RASSF5: variants seen among roughly 807,000 people sequenced by gnomAD.
The protein encoded by RASSF5 is ras association domain-containing protein 5.
In RASSF5, 25 loss-of-function variants were observed where a neutral mutation model predicts 40.5. That is an observed-to-expected ratio of 0.62 (90% CI 0.45 to 0.86). RASSF5 has a LOEUF of 0.86. Among genes scored for constraint, RASSF5 ranks in the 40% least tolerant of loss-of-function variants. The pLI is 0.00. For missense variants in RASSF5, 521 were observed against 572.8 expected (o/e 0.91, Z 0.92); for synonymous variants, 246 against 252.4 (o/e 0.97, Z 0.24).
At chr1:206,527,545 G>T (rs919488243) in intron 1 of RASSF5, among the ~76,000 whole-genome samples, 4 of 152,296 alleles carry the variant, frequency 2.6e-5, no homozygotes, top group African/African-American at 9.6e-5. Flanking sequence ...CCAATTCAGA[G>T]CAGGCAGACA....
intron 1 of RASSF5, among the ~76,000 whole-genome samples, chr1:206,516,328 C>T (rs570865014): frequency 9.2e-5 from 14 of 152,316 alleles, no homozygotes; most frequent in African/African-American, 2.9e-4. Context: ...TCTGCCAGTT[C>T]TTTCCTGTTG....
chr1:206,579,187 T>C lies in RASSF5; in HGVS notation c.580-4082T>C, dbSNP rs568362777. ...CAGTGCCCTGGACATGCCAAGTGCA[T>C]TGGGAACAGCTCAGCCATCTGCCAC... On this transcript the variant is annotated intron_variant, in intron 2 of 5. Coordinates refer to ENST00000579436, the MANE Select transcript of RASSF5 (RefSeq NM_182663.4). This position sits in a 1 kb window ranked among gnomAD's most constrained non-coding sequence, Gnocchi z 4.2. Among the ~76,000 whole-genome samples the C allele has an allele frequency of 1.5e-4, 23 of 152,304 alleles. No homozygotes were observed. Among genetic ancestry groups the C allele is most frequent in the Non-Finnish European group, 3.1e-4 (21 of 68,024 alleles).
chr1:206,524,637 A>AAATATATATTATATATTATGTAT (rs1558499028), intron 1 of RASSF5, among the ~76,000 whole-genome samples: 165 of 127,626 alleles, frequency 1.3e-3, no homozygotes, highest in African/African-American at 4.8e-3. Flanking sequence ...ATAATATATA[A>AAATATATATTATATATTATGTAT]AATATATATT....
chr1:206,537,860 T>C (rs1553398861), intron 1 of RASSF5, among the ~76,000 whole-genome samples: 2 of 152,250 alleles, frequency 1.3e-5, no homozygotes, highest in Non-Finnish European at 2.9e-5. Context: ...GCAGAAGTTC[T>C]GACCTTGAGA....
At chr1:206,533,914 G>A (rs1301301285) in intron 1 of RASSF5, among the ~76,000 whole-genome samples, 1 of 152,126 alleles carries the variant, frequency 6.6e-6, no homozygotes, top group Non-Finnish European at 1.5e-5. Flanking sequence ...AGAAGCACAG[G>A]GAGAACGCCA....
chr1:206,586,929 G>C lies in RASSF5; in HGVS notation c.1208G>C (p.Arg403Thr), dbSNP rs112969377. 2 of 1,614,192 alleles carry C rather than the reference G, an allele frequency of 1.2e-6. No homozygotes were observed. The highest frequency in any genetic ancestry group is 1.3e-5 in the African/African-American group (1 of 75,058). Residue 403 changes from arginine to threonine, a missense_variant, in exon 6 of 6, where the codon AGG (arginine) becomes ACG (threonine). By Grantham distance (71) the Arg-to-Thr change is moderately conservative. Around this residue, in one of 2 missense-constraint regions of RASSF5, gnomAD observed 284 missense variants for 360.8 expected, o/e 0.79. Coordinates refer to ENST00000579436, the MANE Select transcript of RASSF5 (RefSeq NM_182663.4). Reference protein sequence around the residue: ...QQVQKKYDKFRQKLEEALRES... With the variant: ...QQVQKKYDKFTQKLEEALRES... ...GTGCAAAAGAAGTATGACAAGTTTAGGCAGAAACTGGAGGAGGCCTTAAGA... is the reference window on the plus strand; with the variant it reads ...GTGCAAAAGAAGTATGACAAGTTTACGCAGAAACTGGAGGAGGCCTTAAGA...
intron 5 of RASSF5, chr1:206,585,890 A>C (rs1194720830): frequency 6.6e-6 from 1 of 152,390 alleles, no homozygotes; most frequent in African/African-American, 2.4e-5. Flanking sequence ...TTTAGGGATC[A>C]AGGCAGCTGG....
At chr1:206,566,912 AGAG>A (rs1263672947) in intron 2 of RASSF5, among the ~76,000 whole-genome samples, 3 of 152,162 alleles carry the variant, frequency 2.0e-5, no homozygotes, top group Non-Finnish European at 4.4e-5. Flanking sequence ...TGGGTTTGAC[AGAG>A]GAGGAGTGGG....
chr1:206,562,658 C>A (rs543332568), intron 2 of RASSF5, among the ~76,000 whole-genome samples: 1 of 152,128 alleles, frequency 6.6e-6, no homozygotes. Context: ...ATTGGCCGGG[C>A]GTGGTGGCTC....
intron 2 of RASSF5, among the ~76,000 whole-genome samples, chr1:206,547,320 C>A (rs1667722289): frequency 6.6e-6 from 1 of 151,954 alleles, no homozygotes; most frequent in Admixed American, 6.6e-5. Context: ...GCAAGCCACG[C>A]TTCATCTGTA....
At position 206,584,922 on chromosome 1, in the gene RASSF5, G is replaced by A. The variant is rs777652254; in HGVS notation, c.988+238G>A. On this transcript the variant is annotated intron_variant, in intron 4 of 5. Coordinates refer to ENST00000579436, the MANE Select transcript of RASSF5 (RefSeq NM_182663.4). This position sits in a 1 kb window ranked among gnomAD's most constrained non-coding sequence, Gnocchi z 4.9. ...CCTAGGCTCCCATTTCCTGATCTGTGCAATGGGAGGAATCTGCCCCACCAT... is the reference window on the plus strand; with the variant it reads ...CCTAGGCTCCCATTTCCTGATCTGTACAATGGGAGGAATCTGCCCCACCAT... 21 of 608,144 alleles carry A rather than the reference G, an allele frequency of 3.5e-5. No homozygotes were observed. The highest frequency in any genetic ancestry group is 3.2e-5 in the Non-Finnish European group (11 of 344,406). 37.7% of individuals were successfully genotyped at this position (608,144 alleles called of 1,614,324 possible). A position where few individuals can be genotyped will look rare whatever the true frequency, so the allele number is the denominator to read the frequency against.
At position 206,580,494 on chromosome 1, in the gene RASSF5, A is replaced by G. The variant is rs377357488; in HGVS notation, c.580-2775A>G. ...AATTAGAAGCTCCCAGCGGGAAGGT[A>G]TAGGGGTAGGGCCAGGGTCAGGCAC... On this transcript the variant is annotated intron_variant, in intron 2 of 5. Coordinates refer to ENST00000579436, the MANE Select transcript of RASSF5 (RefSeq NM_182663.4). Among the ~76,000 whole-genome samples, 199 of 152,272 alleles carry G rather than the reference A, an allele frequency of 1.3e-3. 1 individual carries two copies. The highest frequency in any genetic ancestry group is 4.5e-3 in the African/African-American group (188 of 41,568).
rs1247281546 is a variant in RASSF5 at position 206,544,927 on chromosome 1, CTTGTCCCT to C, written c.579+6635_579+6642del. The C allele has an allele frequency of 1.8e-4, 28 of 152,060 alleles. 2 individuals are homozygous for C. Among genetic ancestry groups the C allele is most frequent in the Admixed American group, 1.5e-3 (23 of 15,280 alleles). The allele number at this position is 152,060 out of a possible 1,614,324, so 9.4% of individuals were successfully genotyped here. On this transcript the variant is annotated intron_variant, in intron 2 of 5. Coordinates refer to ENST00000579436, the MANE Select transcript of RASSF5 (RefSeq NM_182663.4). ...AAAAAGCTCCTGCGGCCAGTCCTGC[CTTGTCCCT>C]CAGCCCAACAGCCACGTGTTGAACC... is the stretch of plus-strand genomic sequence containing the variant.
chr1:206,563,192 G>A (rs903084034), intron 2 of RASSF5, among the ~76,000 whole-genome samples: 20 of 152,188 alleles, frequency 1.3e-4, no homozygotes, highest in African/African-American at 4.8e-4. Context: ...CAGTCACGTG[G>A]CCACACCTAA....
intron 2 of RASSF5, among the ~76,000 whole-genome samples, chr1:206,553,417 G>A (rs1667900338): frequency 6.6e-6 from 1 of 152,142 alleles, no homozygotes; most frequent in Non-Finnish European, 1.5e-5. Flanking sequence ...GAAACATGGG[G>A]AACTCTTGGA....
intron 1 of RASSF5, among the ~76,000 whole-genome samples, chr1:206,519,554 C>T (rs1478591802): frequency 6.6e-6 from 1 of 152,174 alleles, no homozygotes; most frequent in Non-Finnish European, 1.5e-5. Context: ...GGTCTGGAAC[C>T]TGCTTCTCTT....
intron 1 of RASSF5, among the ~76,000 whole-genome samples, chr1:206,533,382 G>A (rs1667293552): frequency 6.6e-6 from 1 of 152,142 alleles, no homozygotes; most frequent in Admixed American, 6.5e-5. Context: ...GGGCCTAAGG[G>A]CTCTGTGCTC....
At chr1:206,544,143 G>A (rs546907810) in intron 2 of RASSF5, 4 of 152,334 alleles carry the variant, frequency 2.6e-5, no homozygotes, top group South Asian at 2.1e-4. Context: ...AATCCAGATT[G>A]TGTAGACGAA....
rs10603701 is a variant in RASSF5, at chr1:206,546,089, A to ATTTTTTTTTTT, written c.579+7823_579+7833dup. 8.3e-5 allele frequency among the ~76,000 whole-genome samples: 4 copies of ATTTTTTTTTTT among 48,248 alleles called. 1 individual carries two copies. The highest frequency in any genetic ancestry group is 2.4e-4 in the African/African-American group (3 of 12,328). 31.7% of individuals were successfully genotyped at this position (48,248 alleles called of 152,430 possible). ...TTTTTCTTTTCTTTCTTCTTTTTCTATTTTTTTTTTTTTTTTTTTTTTTTT... is the reference window on the plus strand; with the variant it reads ...TTTTTCTTTTCTTTCTTCTTTTTCTATTTTTTTTTTTTTTTTTTTTTTTTTTTTTTTTTTTT... On this transcript the variant is annotated intron_variant, in intron 2 of 5. Transcript: ENST00000579436.
Sources: allele counts gnomAD v4.1 joint callset (sites outside exome capture counted in the v4.1 genomes callset), GRCh38; gene constraint gnomAD v4.1.1; regional missense constraint gnomAD v4.1.1; non-coding constraint Gnocchi (gnomAD v3.1); transcripts MANE v1.5; gene names NCBI Gene and HGNC (gene_info 2026-07-23, HGNC 2026-07-21).